PLD5: variants seen among roughly 807,000 people sequenced by gnomAD.
The protein encoded by PLD5 is phospholipase D family member 5.
PLD5 carries 36 observed loss-of-function variants against 61.1 expected under a neutral mutation model. The ratio of observed to expected loss-of-function variants is 0.59; its 90% confidence interval spans 0.45 to 0.78. The LOEUF (loss-of-function observed/expected upper bound fraction) is 0.78, where lower values mean the gene tolerates loss of function less well. PLD5 is among the 30% of genes least tolerant of loss of function. The pLI, the probability that PLD5 is intolerant of heterozygous loss-of-function variation, is 0.00. For synonymous variants in PLD5, 243 were observed against 242.8 expected, an observed-to-expected ratio of 1.00 and a Z score of -0.01; for missense variants, 515 against 644.4, an observed-to-expected ratio of 0.80 and a Z score of 2.17.
At chr1:242,301,310 C>T (rs1371317675) in intron 2 of PLD5, among the ~76,000 whole-genome samples, 1 of 152,206 alleles carries the variant, frequency 6.6e-6, no homozygotes, top group Non-Finnish European at 1.5e-5. Context: ...ATTTGGCCTG[C>T]ATCTGCTACT....
At chr1:242,113,517 C>T (rs929832473) in intron 7 of PLD5, among the ~76,000 whole-genome samples, 10 of 152,148 alleles carry the variant, frequency 6.6e-5, no homozygotes, top group Admixed American at 6.5e-4. Flanking sequence ...TCAATATGCC[C>T]TTTTCAGGTA....
At chr1:242,405,737 G>A (rs950025923) in intron 1 of PLD5, among the ~76,000 whole-genome samples, 2 of 152,004 alleles carry the variant, frequency 1.3e-5, no homozygotes, top group Non-Finnish European at 2.9e-5. Flanking sequence ...AAGTAGCTGG[G>A]ATTAGAGGCA....
intron 4 of PLD5, among the ~76,000 whole-genome samples, chr1:242,243,523 T>A (rs561341912): frequency 1.3e-5 from 2 of 152,330 alleles, no homozygotes; most frequent in East Asian, 3.9e-4. Context: ...TGGAATCCCA[T>A]CTTGCCTGGA....
Position 242,163,789 on chromosome 1 carries a change from G to C in PLD5, c.736-39124C>G, listed in dbSNP as rs190572088. On this transcript the variant is annotated intron_variant, in intron 5 of 9. Coordinates refer to ENST00000536534, the MANE Select transcript of PLD5 (RefSeq NM_001372062.1). ...GGAAATGGAAAGGAAGAAAGGAGAA[G>C]AGAAGATGATCAAAGAGCAGGATGA... Among the ~76,000 whole-genome samples, 481 of 151,904 alleles carry C rather than the reference G, an allele frequency of 3.2e-3. 3 individuals carry two copies. The highest frequency in any genetic ancestry group is 0.011 in the African/African-American group (467 of 41,210).
At chr1:242,369,987 TTA>T (rs2149245243) in intron 1 of PLD5, among the ~76,000 whole-genome samples, 1 of 152,290 alleles carries the variant, frequency 6.6e-6, no homozygotes, top group South Asian at 2.1e-4. Context: ...ACCCTCCATT[TTA>T]TGTTTTTCTG....
intron 5 of PLD5, among the ~76,000 whole-genome samples, chr1:242,218,562 T>G (rs1457462137): frequency 6.6e-6 from 1 of 152,254 alleles, no homozygotes; most frequent in African/African-American, 2.4e-5. Flanking sequence ...CATTATGGAT[T>G]TGCAATTGGA....
intron 2 of PLD5, among the ~76,000 whole-genome samples, chr1:242,318,105 TAAG>T (rs1658135010): frequency 6.6e-6 from 1 of 152,192 alleles, no homozygotes; most frequent in Admixed American, 6.5e-5. Context: ...GTGGCTCGCC[TAAG>T]AAGACAAACA....
chr1:242,303,070 G>C (rs1420974436), intron 2 of PLD5, among the ~76,000 whole-genome samples: 1 of 152,174 alleles, frequency 6.6e-6, no homozygotes, highest in African/African-American at 2.4e-5. Flanking sequence ...TGACACACCA[G>C]AATCTGTGAT....
At chr1:242,501,790 T>TTTTATATATATATATATA (rs770416059) in intron 1 of PLD5, among the ~76,000 whole-genome samples, 10 of 147,202 alleles carry the variant, frequency 6.8e-5, no homozygotes, top group African/African-American at 2.2e-4. Flanking sequence ...TAATATTCCA[T>TTTTATATATATATATATA]TATATATATA....
intron 1 of PLD5, among the ~76,000 whole-genome samples, chr1:242,491,928 T>C (rs1344554304): frequency 1.3e-5 from 2 of 152,234 alleles, no homozygotes; most frequent in Non-Finnish European, 2.9e-5. Flanking sequence ...ATCAAAATTT[T>C]ATAGACCTTG....
At position 242,220,052 on chromosome 1, in the gene PLD5, CAGA is replaced by C. The variant is rs776827970; in HGVS notation, c.668_670del (p.Phe223del). On this transcript the variant is annotated inframe_deletion, in exon 5 of 10. Transcript: ENST00000536534. ...ATACACGTGCTGTTTGTCCACGATC[CAGA>C]AGGAGGACTGCAGCCGGCCCTTGTT... The C allele has an allele frequency of 2.5e-6, 4 of 1,614,042 alleles. No individual in the cohort carries two copies. The African/African-American group carries it at 5.3e-5, about 22-fold the overall frequency.
chr1:242,488,409 C>T (rs1025576390), intron 1 of PLD5, among the ~76,000 whole-genome samples: 1 of 152,144 alleles, frequency 6.6e-6, no homozygotes, highest in Non-Finnish European at 1.5e-5. Flanking sequence ...AGCTATCATG[C>T]TTATGGAGAC....
chr1:242,321,396 C>G (rs957272212), intron 2 of PLD5, among the ~76,000 whole-genome samples: 4 of 151,944 alleles, frequency 2.6e-5, no homozygotes, highest in African/African-American at 9.7e-5. Flanking sequence ...TTCCACCTCC[C>G]AGGTTCATGT....
chr1:242,272,713 T>C (rs1356225974), intron 3 of PLD5, among the ~76,000 whole-genome samples: 3 of 152,138 alleles, frequency 2.0e-5, no homozygotes, highest in Admixed American at 6.5e-5. Context: ...GGTGGGTACC[T>C]CATAGCAAAA....
At chr1:242,433,843 C>T (rs1180111490) in intron 1 of PLD5, among the ~76,000 whole-genome samples, 6 of 152,128 alleles carry the variant, frequency 3.9e-5, no homozygotes, top group Admixed American at 3.9e-4. Flanking sequence ...AGGAAGAGCA[C>T]ATGCAGAGGT....
rs571120010 is a variant in PLD5, at chr1:242,178,055, G to A, written c.735+41933C>T. On this transcript the variant is annotated intron_variant, in intron 5 of 9. Transcript: ENST00000536534. ...TGCATTTAGATAAAATGGCTTAATT[G>A]ATAACAAATGTACACATTCCCTGAG... is the stretch of plus-strand genomic sequence containing the variant. Among the ~76,000 whole-genome samples, 4 of 152,320 alleles carry A rather than the reference G, an allele frequency of 2.6e-5. No individual in the cohort carries two copies. The South Asian group carries it at 8.3e-4, about 32-fold the overall frequency.
upstream of PLD5, among the ~76,000 whole-genome samples, chr1:242,526,545 C>T: frequency 6.6e-6 from 1 of 152,148 alleles, no homozygotes; most frequent in Non-Finnish European, 1.5e-5. Flanking sequence ...AAGCGATTCT[C>T]CTGCTTCAAC....
intron 4 of PLD5, among the ~76,000 whole-genome samples, chr1:242,264,367 T>C (rs944732627): frequency 6.6e-6 from 1 of 152,190 alleles, no homozygotes; most frequent in Non-Finnish European, 1.5e-5. Flanking sequence ...GGTAGGTACA[T>C]GTGCATGGCC....
At chr1:242,357,668 G>T (rs1232304216) in intron 1 of PLD5, among the ~76,000 whole-genome samples, 1 of 151,934 alleles carries the variant, frequency 6.6e-6, no homozygotes, top group Non-Finnish European at 1.5e-5. Context: ...TGTATTTGTA[G>T]TAGGGACAGG....
Sources: allele counts gnomAD v4.1 joint callset (sites outside exome capture counted in the v4.1 genomes callset), GRCh38; gene constraint gnomAD v4.1.1; transcripts MANE v1.5; gene names NCBI Gene and HGNC (gene_info 2026-07-23, HGNC 2026-07-21).